BNC2: variants seen among roughly 807,000 people sequenced by gnomAD.
BNC2 encodes the protein basonuclin zinc finger protein 2, also known as zinc finger protein basonuclin-2.
Under a neutral mutation model 76.3 loss-of-function variants are expected in BNC2, and 20 were observed. The ratio of observed to expected loss-of-function variants is 0.26; its 90% confidence interval spans 0.18 to 0.38. BNC2 has a LOEUF of 0.38. Among genes scored for constraint, BNC2 ranks in the 10% least tolerant of loss-of-function variants. The pLI, the probability that BNC2 is intolerant of heterozygous loss-of-function variation, is 1.00. For missense variants in BNC2, 1,382 were observed against 1,399.8 expected (o/e 0.99, Z 0.20); for synonymous variants, 582 against 514.8 (o/e 1.13, Z -1.77).
At chr9:16,583,917 T>C (rs1471353858) in intron 3 of BNC2, among the ~76,000 whole-genome samples, 1 of 152,178 alleles carries the variant, frequency 6.6e-6, no homozygotes, top group Non-Finnish European at 1.5e-5. Flanking sequence ...CCAGTTAATA[T>C]TATAAAATGA....
Position 16,677,606 on chromosome 9 carries a change from C to CACACACACACACAG in BNC2, c.330+50190_330+50191insCTGTGTGTGTGTGT, listed in dbSNP as rs1455196025. 1.7e-3 allele frequency among the ~76,000 whole-genome samples: 250 copies of CACACACACACACAG among 151,378 alleles called. 1 individual carries two copies. The highest frequency in any genetic ancestry group is 6.0e-3 in the African/African-American group (245 of 40,816). ...ACACACACACACACACACACACACACAGTAGCAATATCCTGACTACTGGTC... is the reference window on the plus strand; with the variant it reads ...ACACACACACACACACACACACACACACACACACACACAGAGTAGCAATATCCTGACTACTGGTC... On this transcript the variant is annotated intron_variant, in intron 3 of 6. Transcript: ENST00000380672.
intron 1 of BNC2, among the ~76,000 whole-genome samples, chr9:16,791,872 G>A (rs1817519273): frequency 6.6e-6 from 1 of 152,138 alleles, no homozygotes. Context: ...GGAAGCCAAG[G>A]CAGGTGGATC....
intron 1 of BNC2, among the ~76,000 whole-genome samples, chr9:16,810,742 G>C (rs1818025928): frequency 6.6e-6 from 1 of 152,206 alleles, no homozygotes; most frequent in African/African-American, 2.4e-5. Flanking sequence ...TAAAGCCAGT[G>C]ATCCAAAGAG....
At chr9:16,769,396 C>G (rs1447230885) in intron 1 of BNC2, among the ~76,000 whole-genome samples, 1 of 152,188 alleles carries the variant, frequency 6.6e-6, no homozygotes, top group Non-Finnish European at 1.5e-5. Context: ...AAGGATCATT[C>G]TCTCCCATTT....
At chr9:16,583,892 TA>T (rs1402499839) in intron 3 of BNC2, among the ~76,000 whole-genome samples, 1 of 152,168 alleles carries the variant, frequency 6.6e-6, no homozygotes, top group Non-Finnish European at 1.5e-5. Context: ...ATAACCACTT[TA>T]AAAAACCATC....
chr9:16,606,443 G>C (rs192618705), intron 3 of BNC2, among the ~76,000 whole-genome samples: 8 of 152,050 alleles, frequency 5.3e-5, no homozygotes, highest in African/African-American at 1.9e-4. Flanking sequence ...TTGTGGGACA[G>C]ACCCATGGGA....
At position 16,856,273 on chromosome 9, in the gene BNC2, TCTCTCA is replaced by T. The variant is rs1243058183; in HGVS notation, c.3+14367_3+14372del. Among the ~76,000 whole-genome samples, 177 of 91,908 alleles carry T rather than the reference TCTCTCA, an allele frequency of 1.9e-3. 1 individual carries two copies. The highest frequency in any genetic ancestry group is 5.2e-3 in the African/African-American group (169 of 32,304). The allele number at this position is 91,908 out of a possible 152,430, so 60.3% of individuals were successfully genotyped here. ...TATTTCTTCACACACACTCTCTCTC[TCTCTCA>T]CACACACACACACACACACACACAA... On this transcript the variant is annotated intron_variant, in intron 1 of 6. Transcript: ENST00000380672.
intron 5 of BNC2, among the ~76,000 whole-genome samples, chr9:16,447,205 A>G (rs1447889325): frequency 1.3e-5 from 2 of 152,148 alleles, no homozygotes; most frequent in African/African-American, 4.8e-5. Context: ...CAAATTACCT[A>G]TGAGTCCTTA....
chr9:16,812,379 G>A (rs998945212), intron 1 of BNC2, among the ~76,000 whole-genome samples: 1 of 152,204 alleles, frequency 6.6e-6, no homozygotes, highest in Non-Finnish European at 1.5e-5. Flanking sequence ...AAATGTGGGG[G>A]CTCCCAGCCT....
chr9:16,751,658 A>ATG (rs1563926952), intron 1 of BNC2, among the ~76,000 whole-genome samples: 6 of 49,308 alleles, frequency 1.2e-4, no homozygotes, highest in East Asian at 6.2e-4. Context: ...GTGTATATAT[A>ATG]TATGTATGTA....
At chr9:16,731,564 G>A (rs565484817) in intron 2 of BNC2, among the ~76,000 whole-genome samples, 1 of 152,192 alleles carries the variant, frequency 6.6e-6, no homozygotes, top group African/African-American at 2.4e-5. Context: ...CTCTGAAAGT[G>A]ACTTCTGATG....
intron 3 of BNC2, among the ~76,000 whole-genome samples, chr9:16,685,995 G>T (rs1822967032): frequency 6.6e-6 from 1 of 152,036 alleles, no homozygotes; most frequent in Non-Finnish European, 1.5e-5. Context: ...TTTCACATTG[G>T]TGACATAAAT....
At chr9:16,638,675 T>C (rs150136084) in intron 3 of BNC2, among the ~76,000 whole-genome samples, 3,171 of 152,118 alleles carry the variant, frequency 0.021, 116 homozygotes, top group African/African-American at 0.071. Context: ...GTCCTAGAGA[T>C]AGACAACCTT....
chr9:16,826,687 G>A (rs980508662), intron 1 of BNC2, among the ~76,000 whole-genome samples: 5 of 152,082 alleles, frequency 3.3e-5, no homozygotes, highest in African/African-American at 9.7e-5. Flanking sequence ...TTTCACCATG[G>A]ATTTTGATCA....
chr9:16,770,864 C>A (rs973513726), intron 1 of BNC2, among the ~76,000 whole-genome samples: 1 of 151,904 alleles, frequency 6.6e-6, no homozygotes, highest in African/African-American at 2.4e-5. Flanking sequence ...CAAAGCAAGA[C>A]CCTGTCACAA....
intron 3 of BNC2, among the ~76,000 whole-genome samples, chr9:16,600,775 G>C (rs1587220907): frequency 6.6e-6 from 1 of 152,116 alleles, no homozygotes; most frequent in South Asian, 2.1e-4. Flanking sequence ...AATATAAAGA[G>C]CTAGGGTTAT....
chr9:16,558,099 C>T (rs940583146), intron 4 of BNC2, among the ~76,000 whole-genome samples: 2 of 152,146 alleles, frequency 1.3e-5, no homozygotes, highest in African/African-American at 4.8e-5. Flanking sequence ...CCACCTGCCT[C>T]GGCCTCCCAA....
intron 1 of BNC2, among the ~76,000 whole-genome samples, chr9:16,826,332 A>G (rs1343779352): frequency 1.3e-5 from 2 of 151,266 alleles, no homozygotes; most frequent in Non-Finnish European, 2.9e-5. Flanking sequence ...CTAAGTAACT[A>G]GAAGGTTTTA....
chr9:16,738,133 T>G (rs970786229), intron 2 of BNC2, among the ~76,000 whole-genome samples: 1 of 152,084 alleles, frequency 6.6e-6, no homozygotes, highest in Non-Finnish European at 1.5e-5. Flanking sequence ...CTTTATCACG[T>G]TCAAAATCAT....
Sources: allele counts gnomAD v4.1 joint callset (sites outside exome capture counted in the v4.1 genomes callset), GRCh38; gene constraint gnomAD v4.1.1; transcripts MANE v1.5; gene names NCBI Gene and HGNC (gene_info 2026-07-23, HGNC 2026-07-21).